Variants in TNK2 observed in about 807,000 individuals in gnomAD.
The protein encoded by TNK2 is activated CDC42 kinase 1.
TNK2 carries 83 observed loss-of-function variants against 101.8 expected under a neutral mutation model. The ratio of observed to expected loss-of-function variants is 0.82; its 90% CI spans 0.68 to 0.98. The LOEUF is 0.98. Ranked by LOEUF, TNK2 falls within the 50% of genes least tolerant of loss-of-function variation. The pLI is 0.00. For synonymous variants in TNK2, 804 were observed against 633.0 expected (o/e 1.27, Z -4.06); for missense variants, 1,665 against 1,483.2 (o/e 1.12, Z -2.01).
intron 6 of TNK2, among the ~76,000 whole-genome samples, chr3:195,881,673 A>G (rs1456347588): frequency 3.6e-5 from 3 of 83,228 alleles, no homozygotes; most frequent in South Asian, 5.4e-4. Context: ...AGGACACAGC[A>G]TTTATCCCTA....
At chr3:195,907,113 C>T (rs1411763338) in intron 1 of TNK2, among the ~76,000 whole-genome samples, 4 of 152,212 alleles carry the variant, frequency 2.6e-5, no homozygotes, top group Non-Finnish European at 4.4e-5. Flanking sequence ...TCAAAAACGC[C>T]GACCTGAAAT....
In TNK2 at chr3:195,870,345, A is replaced by G. The variant is rs1056176689; in HGVS notation, c.1452-140T>C. On this transcript the variant is annotated intron_variant, in intron 10 of 15. Coordinates refer to ENST00000672887, the MANE Select transcript of TNK2 (RefSeq NM_001382273.1). ...ACAGGCCTCCCGCCTCCCAGTCCAC[A>G]GAACCTGACCGCACGTCTCAGCTGG... 11 of 1,519,592 alleles carry G rather than the reference A, an allele frequency of 7.2e-6. No homozygotes were observed. In the Admixed American group the frequency reaches 9.1e-5, roughly 13 times the overall value. The allele number at this position is 1,519,592 out of a possible 1,614,324, so 94.1% of individuals were successfully genotyped here.
rs1356244101 is a variant in TNK2, at chr3:195,894,180, C to G, written c.-18-5574G>C. The G allele has an allele frequency of 2.0e-5, 2 of 101,424 alleles. 1 individual carries two copies. The highest frequency in any genetic ancestry group is 6.1e-4 in the South Asian group (2 of 3,302). The allele number at this position is 101,424 out of a possible 1,614,324, so 6.3% of individuals were successfully genotyped here. The stretch of plus-strand genomic sequence containing the variant: ...CACACCTGGAAGGAGACCCAGGGAC[C>G]GGGGGCCGGGGAACAATTTAAGCAG... On this transcript the variant is annotated intron_variant, in intron 1 of 15. Transcript: ENST00000672887.
intron 9 of TNK2, among the ~76,000 whole-genome samples, chr3:195,873,975 C>G (rs182008143): frequency 6.6e-6 from 1 of 152,140 alleles, no homozygotes; most frequent in Non-Finnish European, 1.5e-5. Flanking sequence ...GACAGTACCC[C>G]GAGACGAGAC....
chr3:195,878,119 G>T lies in TNK2; in HGVS notation c.1256+134C>A. 2.3e-6 allele frequency: 2 copies of T among 867,046 alleles called. No individual in the cohort carries two copies. Among genetic ancestry groups the T allele is most frequent in the Non-Finnish European group, 3.7e-6 (2 of 534,120 alleles). The allele number at this position is 867,046 out of a possible 1,614,324, so 53.7% of individuals were successfully genotyped here. On this transcript the variant is annotated intron_variant, in intron 9 of 15. Transcript: ENST00000672887. This position sits in a 1 kb window ranked among gnomAD's most constrained non-coding sequence, Gnocchi z 4.7. ...GGCAGGCCTGTCCTCCCCTCACACT[G>T]CAGGGTTCAGGCCCAACCGCCAGCC...
In TNK2 at chr3:195,882,731, G is replaced by A. The variant is rs1035733600; in HGVS notation, c.610-403C>T. 1.3e-5 allele frequency among the ~76,000 whole-genome samples: 2 copies of A among 152,128 alleles called. No homozygotes were observed. Among genetic ancestry groups the A allele is most frequent in the African/African-American group, 2.4e-5 (1 of 41,418 alleles). Reference sequence around the variant, plus strand: ...AAATTAGCCAGGCATGGTAGCGCACGGCTGTAATCCCAGCTACTTGGAAGC... The same window carrying A: ...AAATTAGCCAGGCATGGTAGCGCACAGCTGTAATCCCAGCTACTTGGAAGC... On this transcript the variant is annotated intron_variant, in intron 5 of 15. Transcript: ENST00000672887. This position sits in a 1 kb window ranked among gnomAD's most constrained non-coding sequence, Gnocchi z 4.2.
At chr3:195,904,014 C>T (rs544774794) in intron 1 of TNK2, among the ~76,000 whole-genome samples, 1 of 152,188 alleles carries the variant, frequency 6.6e-6, no homozygotes, top group South Asian at 2.1e-4. Flanking sequence ...TTACTGACAA[C>T]AGCCAAAAGG....
intron 1 of TNK2, among the ~76,000 whole-genome samples, chr3:195,890,563 G>A (rs768912329): frequency 6.3e-5 from 9 of 142,282 alleles, no homozygotes; most frequent in African/African-American, 1.8e-4. Flanking sequence ...CAATTCTCCC[G>A]CCTCAGCCTC....
In TNK2 at chr3:195,885,343, C is replaced by T. The variant is rs1219761640; in HGVS notation, c.235-310G>A. Reference sequence around the variant, plus strand: ...AGGGAGGGCACCGCCCAGCCAAGGTCGGAGTCTCCTCCCAGTCCTGCCCCA... The same window carrying T: ...AGGGAGGGCACCGCCCAGCCAAGGTTGGAGTCTCCTCCCAGTCCTGCCCCA... On this transcript the variant is annotated intron_variant, in intron 3 of 15. Coordinates refer to ENST00000672887, the MANE Select transcript of TNK2 (RefSeq NM_001382273.1). This position sits in a 1 kb window ranked among gnomAD's most constrained non-coding sequence, Gnocchi z 4.7. The T allele has an allele frequency of 9.4e-6, 13 of 1,377,154 alleles. 1 individual carries two copies. Among genetic ancestry groups the T allele is most frequent in the South Asian group, 7.0e-5 (5 of 71,542 alleles). The allele number at this position is 1,377,154 out of a possible 1,614,324, so 85.3% of individuals were successfully genotyped here.
chr3:195,907,591 C>T (rs1761869243), intron 1 of TNK2, among the ~76,000 whole-genome samples: 1 of 152,228 alleles, frequency 6.6e-6, no homozygotes, highest in African/African-American at 2.4e-5. Flanking sequence ...CCACAAGCAG[C>T]CCGCCAAGCC....
chr3:195,876,774 A>C (rs1014494844), intron 9 of TNK2: 17 of 381,668 alleles, frequency 4.5e-5, no homozygotes, highest in African/African-American at 3.6e-4. Context: ...GGGCACACCC[A>C]CAACCCTCCC....
chr3:195,868,294 G>A lies in TNK2; in HGVS notation c.2004C>T (p.Thr668=), dbSNP rs777456495. The A allele has an allele frequency of 3.1e-6, 5 of 1,603,828 alleles. No individual in the cohort carries two copies. Among genetic ancestry groups the A allele is most frequent in the East Asian group, 2.2e-5 (1 of 44,834 alleles). The change falls in exon 13 of 16, where the codon ACC becomes ACT. Residue 668 remains threonine (T), a synonymous_variant. Transcript: ENST00000672887. ...CGGCAGGGACCCCCGCGCCCACGAG[G>A]GTGCTGTTGATGGAGCAGATCTCAA... is the stretch of plus-strand genomic sequence containing the variant. ...DDFEICSINS[T]LVGAGVPAGP...
At chr3:195,865,771 C>T (rs1039724632) in intron 15 of TNK2, among the ~76,000 whole-genome samples, 2 of 151,974 alleles carry the variant, frequency 1.3e-5, no homozygotes, top group East Asian at 1.9e-4. Context: ...AAGAACCACC[C>T]GAGACAGTAT....
At chr3:195,895,392 T>A in intron 1 of TNK2, 1 of 1,539,484 alleles carries the variant, frequency 6.5e-7, no homozygotes, top group Non-Finnish European at 8.7e-7. Context: ...CTGCCCTGCG[T>A]CCTGGGGGGC....
chr3:195,872,999 C>T (rs1317026172), intron 9 of TNK2, among the ~76,000 whole-genome samples: 3 of 152,176 alleles, frequency 2.0e-5, no homozygotes, highest in Non-Finnish European at 4.4e-5. Context: ...GCCAGGCCTC[C>T]AGCTACAACC....
Position 195,870,121 on chromosome 3 carries a change from C to T in TNK2, c.1536G>A (p.Gly512=), listed in dbSNP as rs372040065. 4.4e-5 allele frequency: 64 copies of T among 1,458,400 alleles called. No homozygotes were observed. Among genetic ancestry groups the T allele is most frequent in the South Asian group, 2.7e-4 (19 of 69,100 alleles). 90.3% of individuals were successfully genotyped at this position (1,458,400 alleles called of 1,614,324 possible). Residue 512 remains glycine, a synonymous_variant, in exon 11 of 16, where the codon GGG becomes GGA. Coordinates refer to ENST00000672887, the MANE Select transcript of TNK2 (RefSeq NM_001382273.1). ...STSRPPQHLG[G]VKREPPPRPP... The stretch of plus-strand genomic sequence containing the variant: ...GAGCAGAGGGGCTCTTACTTTTCAC[C>T]CCTCCTAGATGCTGGGGGGGCCGGG...
chr3:195,884,631 G>A (rs545007309), intron 4 of TNK2, 181 bp downstream of exon 4: 9 of 601,572 alleles, frequency 1.5e-5, no homozygotes, highest in Non-Finnish European at 2.5e-5. Flanking sequence ...GCGACAGAGC[G>A]AGACTCCATC....
Position 195,882,069 on chromosome 3 carries a change from C to A in TNK2, c.869G>T (p.Arg290Leu). Residue 290 changes from arginine (R) to leucine (L), a missense_variant, in exon 6 of 16, where the codon CGC (arginine) becomes CTC (leucine). Physicochemically the swap from Arg to Leu is moderately radical, Grantham distance 102 (BLOSUM62 -2). Transcript: ENST00000672887. The surrounding 1 kb of genome is among the most constrained non-coding windows in gnomAD (Gnocchi z 4.2). ...NDDHYVMQEH[R>L]KVPFAWCAPE... ...CCCTCACCAGGCGAAGGGCACCTTG[C>A]GATGTTCCTGCATGACGTAATGGTC... The A allele has an allele frequency of 6.2e-7, 1 of 1,610,514 alleles. No individual in the cohort carries two copies. The highest frequency in any genetic ancestry group is 8.5e-7 in the Non-Finnish European group (1 of 1,177,446).
In TNK2 at chr3:195,879,349, G is replaced by C; in HGVS notation, c.888-174C>G. 3 of 876,680 alleles carry C rather than the reference G, an allele frequency of 3.4e-6. No homozygotes were observed. In the South Asian group the frequency reaches 5.3e-5, roughly 16 times the overall value. 54.3% of individuals were successfully genotyped at this position (876,680 alleles called of 1,614,324 possible). A position where few individuals can be genotyped will look rare whatever the true frequency, so the allele number is the denominator to read the frequency against. ...CAGGACCCCTTGACGACACGATGCA[G>C]GGACTTGGGGAAATCGTCTAAGCCC... On this transcript the variant is annotated intron_variant, in intron 6 of 15. Transcript: ENST00000672887.
Sources: gnomAD v4.1 joint callset for allele counts (sites outside exome capture counted in the v4.1 genomes callset) on GRCh38, gnomAD v4.1.1 for gene constraint, Gnocchi (gnomAD v3.1) non-coding constraint, MANE v1.5 for transcripts, NCBI Gene and HGNC (gene_info 2026-07-23, HGNC 2026-07-21) for gene names.